The following ALG1L2 variants were observed in gnomAD, a reference collection of about 807,000 sequenced individuals.
ALG1L2 encodes putative glycosyltransferase ALG1L2.
ALG1L2 carries 32 observed loss-of-function variants against 29.0 expected under a neutral mutation model. The ratio of observed to expected loss-of-function variants is 1.10; its 90% CI spans 0.83 to 1.48. The LOEUF is 1.48. ALG1L2 is among the 40% of genes most tolerant of loss of function. The probability of loss-of-function intolerance (pLI) is 0.00; values close to 1 mark genes in which losing one functional copy is unlikely to be tolerated. For synonymous variants in ALG1L2, 110 were observed against 109.5 expected, an observed-to-expected ratio of 1.00 and a Z score of -0.03; for missense variants, 318 against 274.1, an observed-to-expected ratio of 1.16 and a Z score of -1.13.
At chr3:130,082,319 C>T (rs1427193044) in intron 1 of ALG1L2, among the ~76,000 whole-genome samples, 1 of 18,362 alleles carries the variant, frequency 5.4e-5, no homozygotes, top group Admixed American at 5.7e-4. Context: ...TCTTAAAATT[C>T]CTCCTCATTT....
In ALG1L2 at chr3:130,096,159, A is replaced by G; in HGVS notation, c.535A>G (p.Lys179Glu). Residue 179 changes from lysine to glutamate, a missense_variant, in exon 6 of 8, where the codon AAG (lysine) becomes GAG (glutamate). Lys to Glu is a moderately conservative substitution (Grantham distance 56). Transcript: ENST00000425059. ...CCLPACAVNF[K>E]CLHELVKHEE... Reference sequence around the variant, plus strand: ...TTTGCCTGCGTGTGCCGTGAACTTCAAGTGGTAGGAGCAGAACCCGAATTT... The same window carrying G: ...TTTGCCTGCGTGTGCCGTGAACTTCGAGTGGTAGGAGCAGAACCCGAATTT... The G allele has an allele frequency of 6.2e-7, 1 of 1,611,864 alleles. No individual in the cohort carries two copies. The highest frequency in any genetic ancestry group is 1.1e-5 in the South Asian group (1 of 90,964).
At chr3:130,086,661 A>T (rs1934896095) in intron 1 of ALG1L2, among the ~76,000 whole-genome samples, 1 of 142,766 alleles carries the variant, frequency 7.0e-6, no homozygotes, top group Non-Finnish European at 1.6e-5. Flanking sequence ...TGGTCCACAG[A>T]GCAAGGCCCT....
chr3:130,093,177 T>C lies in ALG1L2; in HGVS notation c.313+17T>C. On this transcript the variant is annotated intron_variant, in intron 4 of 7. Coordinates refer to ENST00000425059, the MANE Select transcript of ALG1L2 (RefSeq NM_001136152.1). ...TGATAACAGGTACTGCCTGGGACCCTGGGTGTCTGTTTGGTTGGGGGATGG... is the reference window on the plus strand; with the variant it reads ...TGATAACAGGTACTGCCTGGGACCCCGGGTGTCTGTTTGGTTGGGGGATGG... 1 of 1,609,098 alleles carries C rather than the reference T, an allele frequency of 6.2e-7. No individual in the cohort carries two copies. Among genetic ancestry groups the C allele is most frequent in the Non-Finnish European group, 8.5e-7 (1 of 1,177,808 alleles).
intron 1 of ALG1L2, among the ~76,000 whole-genome samples, chr3:130,082,252 C>T (rs1402493578): frequency 2.1e-5 from 3 of 141,236 alleles, no homozygotes; most frequent in African/African-American, 7.4e-5. Flanking sequence ...TGTGTAGTCA[C>T]ACAGGGTCCC....
rs762614901 is a variant in ALG1L2 at position 130,097,259 on chromosome 3, G to A, written c.615+9G>A. 3 of 1,606,862 alleles carry A rather than the reference G, an allele frequency of 1.9e-6. No homozygotes were observed. Among genetic ancestry groups the A allele is most frequent in the East Asian group, 2.2e-5 (1 of 44,886 alleles). ...TGGCAGCTCAGCTGCAGGTAGCCAT[G>A]TCTGCCACCACGCCAGGGTGGACAG... On this transcript the variant is annotated intron_variant, in intron 7 of 7. Transcript: ENST00000425059.
At chr3:130,097,330 A>C (rs1035689393) in intron 7 of ALG1L2, 80 bp downstream of exon 7, 8 of 1,568,518 alleles carry the variant, frequency 5.1e-6, no homozygotes, top group Non-Finnish European at 6.0e-6. Flanking sequence ...TCCCTGTTTC[A>C]CACAGCCAGG....
At chr3:130,098,171 G>A (rs1935186441) in intron 7 of ALG1L2, 52 bp from the exon 8 acceptor site, 6 of 1,594,876 alleles carry the variant, frequency 3.8e-6, no homozygotes, top group South Asian at 1.1e-5. Flanking sequence ...TCATCCAGGT[G>A]GTGACCTGGG....
In ALG1L2 at chr3:130,092,086, T is replaced by G; in HGVS notation, c.132-15T>G. ...GCTCTGTGGCCTCTCACAGGGTTTT[T>G]TTCTGCTCCTTCAGCTCAGAACCTG... On this transcript the variant is annotated splice_polypyrimidine_tract_variant and intron_variant, in intron 2 of 7. Transcript: ENST00000425059. 6.2e-7 allele frequency: 1 copy of G among 1,613,044 alleles called. No individual in the cohort carries two copies. Among genetic ancestry groups the G allele is most frequent in the Non-Finnish European group, 8.5e-7 (1 of 1,179,690 alleles).
chr3:130,097,257 A>G lies in ALG1L2; in HGVS notation c.615+7A>G. 23 of 1,607,212 alleles carry G rather than the reference A, an allele frequency of 1.4e-5. No individual in the cohort carries two copies. Among genetic ancestry groups the G allele is most frequent in the Non-Finnish European group, 1.9e-5 (23 of 1,179,774 alleles). On this transcript the variant is annotated splice_region_variant and intron_variant, in intron 7 of 7. Coordinates refer to ENST00000425059, the MANE Select transcript of ALG1L2 (RefSeq NM_001136152.1). ...ACTGGCAGCTCAGCTGCAGGTAGCC[A>G]TGTCTGCCACCACGCCAGGGTGGAC...
At chr3:130,082,812 G>A (rs1260566492) in intron 1 of ALG1L2, among the ~76,000 whole-genome samples, 1 of 146,838 alleles carries the variant, frequency 6.8e-6, no homozygotes, top group Non-Finnish European at 1.5e-5. Flanking sequence ...AGCCCAGCAA[G>A]GCTCCAAGTG....
intron 1 of ALG1L2, among the ~76,000 whole-genome samples, chr3:130,087,218 C>T (rs1004216073): frequency 1.3e-5 from 2 of 150,584 alleles, no homozygotes; most frequent in African/African-American, 4.8e-5. Flanking sequence ...ATGCAATGCA[C>T]AGAGAACATG....
chr3:130,090,200 A>T (rs1934986178), intron 1 of ALG1L2, among the ~76,000 whole-genome samples: 1 of 152,296 alleles, frequency 6.6e-6, no homozygotes, highest in South Asian at 2.1e-4. Flanking sequence ...TACTAAAAAT[A>T]CAAAAATTAG....
At chr3:130,091,646 T>C (rs1472949552) in intron 2 of ALG1L2, 1 of 562,990 alleles carries the variant, frequency 1.8e-6, no homozygotes, top group East Asian at 3.1e-5. Context: ...TCTCTGACCC[T>C]TTAAGGAATG....
chr3:130,095,261 C>T (rs967903120), intron 5 of ALG1L2, among the ~76,000 whole-genome samples: 13 of 151,998 alleles, frequency 8.6e-5, no homozygotes, highest in Non-Finnish European at 1.6e-4. Flanking sequence ...GAACTCCTGA[C>T]CTCAAGTGAT....
intron 6 of ALG1L2, among the ~76,000 whole-genome samples, chr3:130,096,960 T>C (rs138610217): frequency 0.098 from 14,883 of 152,178 alleles, 918 homozygotes; most frequent in East Asian, 0.18. Flanking sequence ...CTTAAGGCTC[T>C]CTCCTCAAAT....
intron 1 of ALG1L2, among the ~76,000 whole-genome samples, chr3:130,084,827 T>C (rs113937353): frequency 0.083 from 7,362 of 89,086 alleles, 52 homozygotes; most frequent in Middle Eastern, 0.11. Context: ...CTTCACGTGG[T>C]CTTCTCCCTG....
intron 5 of ALG1L2, among the ~76,000 whole-genome samples, chr3:130,094,948 C>T (rs535681353): frequency 6.6e-6 from 1 of 152,316 alleles, no homozygotes; most frequent in African/African-American, 2.4e-5. Context: ...GGAGTCGTGG[C>T]TTGTTCCTGA....
At chr3:130,092,051 T>G (rs750702360) in intron 2 of ALG1L2, 50 bp from the exon 3 acceptor site, 12 of 1,603,308 alleles carry the variant, frequency 7.5e-6, no homozygotes. Flanking sequence ...CCGTTCTGGG[T>G]CCTGGGCCTG....
chr3:130,096,250 T>G (rs1935131821), intron 6 of ALG1L2, 87 bp downstream of exon 6: 13 of 1,478,272 alleles, frequency 8.8e-6, no homozygotes, highest in Non-Finnish European at 9.2e-6. Context: ...CTGCCCACAG[T>G]GAGGCCCTGC....
Sources: allele counts gnomAD v4.1 joint callset (sites outside exome capture counted in the v4.1 genomes callset), GRCh38; gene constraint gnomAD v4.1.1; transcripts MANE v1.5; gene names NCBI Gene and HGNC (gene_info 2026-07-23, HGNC 2026-07-21).